The following RIMBP2 variants were observed in gnomAD, a reference collection of about 807,000 sequenced individuals.
RIMBP2 encodes the protein RIMS-binding protein 2.
Under a neutral mutation model 118.6 loss-of-function variants are expected in RIMBP2, and 48 were observed. That is an observed-to-expected ratio of 0.40 (90% CI 0.32 to 0.51). RIMBP2 has a LOEUF of 0.51. RIMBP2 is among the 20% of genes least tolerant of loss of function. The pLI, the probability that RIMBP2 is intolerant of heterozygous loss-of-function variation, is 0.41. For synonymous variants in RIMBP2, 762 were observed against 742.9 expected (o/e 1.03, Z -0.42); for missense variants, 1,551 against 1,768.3 (o/e 0.88, Z 2.20).
chr12:130,400,266 C>T (rs745329689), intron 21 of RIMBP2, among the ~76,000 whole-genome samples: 11 of 152,178 alleles, frequency 7.2e-5, no homozygotes, highest in Non-Finnish European at 1.3e-4. Context: ...CAAGCTTGAG[C>T]GCTACTGGTC....
At chr12:130,665,452 G>T (rs1165243636) in intron 1 of RIMBP2, among the ~76,000 whole-genome samples, 1 of 151,386 alleles carries the variant, frequency 6.6e-6, no homozygotes, top group Non-Finnish European at 1.5e-5. Context: ...TCGAACCCGG[G>T]AGGCAGAGGT....
intron 2 of RIMBP2, among the ~76,000 whole-genome samples, chr12:130,612,206 C>A (rs1288483256): frequency 6.6e-6 from 1 of 152,150 alleles, no homozygotes; most frequent in Non-Finnish European, 1.5e-5. Context: ...CCGGCCCAGA[C>A]TGGAGAACAG....
chr12:130,548,571 T>G (rs774492850), intron 2 of RIMBP2, among the ~76,000 whole-genome samples: 12 of 151,624 alleles, frequency 7.9e-5, no homozygotes, highest in Non-Finnish European at 1.3e-4. Context: ...ACTTTGTGGG[T>G]TTTTTTGCTT....
chr12:130,620,644 G>C lies in RIMBP2; in HGVS notation c.-217+7678C>G, dbSNP rs1479050065. Among the ~76,000 whole-genome samples, 3 of 152,186 alleles carry C rather than the reference G, an allele frequency of 2.0e-5. No individual in the cohort carries two copies. The highest frequency in any genetic ancestry group is 4.4e-5 in the Non-Finnish European group (3 of 68,010). ...GGCTTCTGTGGTGGCTGACATTCTTGGTACTTCGTGGCTCCTAGAAGCACC... is the reference window on the plus strand; with the variant it reads ...GGCTTCTGTGGTGGCTGACATTCTTCGTACTTCGTGGCTCCTAGAAGCACC... On this transcript the variant is annotated intron_variant, in intron 2 of 22. Coordinates refer to ENST00000690449, the MANE Select transcript of RIMBP2 (RefSeq NM_001393629.1). The surrounding 1 kb of genome is among the most constrained non-coding windows in gnomAD (Gnocchi z 5.3).
At chr12:130,490,106 A>T (rs2048491989) in intron 4 of RIMBP2, among the ~76,000 whole-genome samples, 1 of 142,868 alleles carries the variant, frequency 7.0e-6, no homozygotes, top group Non-Finnish European at 1.5e-5. Flanking sequence ...CCTGGGTGAC[A>T]GAGCGAGACT....
chr12:130,424,078 C>A lies in RIMBP2; in HGVS notation c.3129+64G>T. On this transcript the variant is annotated intron_variant, in intron 16 of 22. Coordinates refer to ENST00000690449, the MANE Select transcript of RIMBP2 (RefSeq NM_001393629.1). The surrounding 1 kb of genome is among the most constrained non-coding windows in gnomAD (Gnocchi z 9.8). ...ATGGACACCAGAACAAACAGAAAAC[C>A]AGTGAAAGGATGGGACAGATTGGTT... The A allele has an allele frequency of 1.1e-6, 1 of 889,632 alleles. No individual in the cohort carries two copies. The highest frequency in any genetic ancestry group is 5.7e-5 in the South Asian group (1 of 17,420). The allele number at this position is 889,632 out of a possible 1,614,324, so 55.1% of individuals were successfully genotyped here.
At chr12:130,534,074 G>T (rs2053756736) in intron 2 of RIMBP2, among the ~76,000 whole-genome samples, 1 of 151,016 alleles carries the variant, frequency 6.6e-6, no homozygotes, top group African/African-American at 2.4e-5. Context: ...GCTGAAGCAG[G>T]ATAATCGCTT....
chr12:130,500,501 T>C (rs749203019), intron 4 of RIMBP2, among the ~76,000 whole-genome samples: 1 of 152,224 alleles, frequency 6.6e-6, no homozygotes, highest in Non-Finnish European at 1.5e-5. Flanking sequence ...AAGCCATGTG[T>C]TGCTGTGCAT....
At chr12:130,404,154 T>C (rs2074922996) in intron 21 of RIMBP2, among the ~76,000 whole-genome samples, 1 of 152,104 alleles carries the variant, frequency 6.6e-6, no homozygotes, top group African/African-American at 2.4e-5. Context: ...AGGGAATCGG[T>C]TGATAAGAGA....
intron 2 of RIMBP2, among the ~76,000 whole-genome samples, chr12:130,529,271 C>T (rs11060972): frequency 5.6e-5 from 8 of 143,184 alleles, no homozygotes; most frequent in Admixed American, 2.8e-4. Flanking sequence ...TGCTGATTCA[C>T]GCTACAACAG....
intron 2 of RIMBP2, among the ~76,000 whole-genome samples, chr12:130,626,416 G>A (rs1366959702): frequency 7.8e-6 from 1 of 128,582 alleles, no homozygotes; most frequent in African/African-American, 3.3e-5. Context: ...ATCACCATCA[G>A]CTCCTCCATC....
At chr12:130,529,407 A>C (rs556135518) in intron 2 of RIMBP2, among the ~76,000 whole-genome samples, 53 of 152,324 alleles carry the variant, frequency 3.5e-4, no homozygotes, top group African/African-American at 1.2e-3. Context: ...TGAGATATTC[A>C]AGATAGGCAA....
At chr12:130,681,837 G>C in intron 1 of RIMBP2, among the ~76,000 whole-genome samples, 1 of 152,130 alleles carries the variant, frequency 6.6e-6, no homozygotes, top group East Asian at 1.9e-4. Flanking sequence ...TGGGATTACA[G>C]GGGCTCACCA....
intron 1 of RIMBP2, among the ~76,000 whole-genome samples, chr12:130,694,282 G>A (rs541647733): frequency 2.6e-5 from 4 of 152,324 alleles, no homozygotes; most frequent in African/African-American, 9.6e-5. Context: ...ACCTTGACTT[G>A]AACATCAACT....
At chr12:130,647,212 A>T (rs2063025488) in intron 1 of RIMBP2, among the ~76,000 whole-genome samples, 1 of 152,064 alleles carries the variant, frequency 6.6e-6, no homozygotes, top group South Asian at 2.1e-4. Context: ...AAAATACAAA[A>T]ATTAGCGAGG....
Position 130,442,053 on chromosome 12 carries a change from G to A in RIMBP2, c.1299C>T (p.Ser433=). ...SAQLSWLPTN[S]NYSHVIFLNE... is the part of the protein sequence containing the mutation. ...TGAGGAAGATGACGTGGCTGTAGTT[G>A]CTGTTGGTGGGTAGCCAGGAGAGCT... The change falls in exon 11 of 23, where the codon AGC becomes AGT. Residue 433 remains serine, a synonymous_variant. Transcript: ENST00000690449. The surrounding 1 kb of genome is among the most constrained non-coding windows in gnomAD (Gnocchi z 6.9). The A allele has an allele frequency of 6.2e-7, 1 of 1,614,144 alleles. No homozygotes were observed. The highest frequency in any genetic ancestry group is 8.5e-7 in the Non-Finnish European group (1 of 1,180,050).
chr12:130,643,244 T>C (rs758166594), intron 1 of RIMBP2, among the ~76,000 whole-genome samples: 46 of 152,336 alleles, frequency 3.0e-4, no homozygotes, highest in Non-Finnish European at 4.4e-4. Flanking sequence ...ACACTCGCCC[T>C]GGCCCCGGGT....
Position 130,442,017 on chromosome 12 carries a change from C to T in RIMBP2, c.1335G>A (p.Glu445=), listed in dbSNP as rs764972609. 2 of 1,614,190 alleles carry T rather than the reference C, an allele frequency of 1.2e-6. No homozygotes were observed. Among genetic ancestry groups the T allele is most frequent in the East Asian group, 2.2e-5 (1 of 44,868 alleles). ...YSHVIFLNEE[E]FDIVKAARYK... ...ACCTGGCGGCCTTGACGATGTCGAA[C>T]TCCTCCTCGTTGAGGAAGATGACGT... The change falls in exon 11 of 23, where the codon GAG becomes GAA. Residue 445 remains glutamate, a synonymous_variant. Transcript: ENST00000690449. The surrounding 1 kb of genome is among the most constrained non-coding windows in gnomAD (Gnocchi z 6.9).
At chr12:130,462,329 T>C (rs750819619) in intron 6 of RIMBP2, among the ~76,000 whole-genome samples, 1 of 152,132 alleles carries the variant, frequency 6.6e-6, no homozygotes, top group African/African-American at 2.4e-5. Flanking sequence ...ATTGCCATAA[T>C]TGAGGATCCC....
Sources: gnomAD v4.1 joint callset for allele counts (sites outside exome capture counted in the v4.1 genomes callset) on GRCh38, gnomAD v4.1.1 for gene constraint, Gnocchi (gnomAD v3.1) non-coding constraint, MANE v1.5 for transcripts, NCBI Gene and HGNC (gene_info 2026-07-23, HGNC 2026-07-21) for gene names.